Variants in SYNDIG1L observed in about 807,000 individuals in gnomAD.
SYNDIG1L encodes the protein synapse differentiation-inducing gene protein 1-like.
Under a neutral mutation model 20.1 loss-of-function variants are expected in SYNDIG1L, and 13 were observed. That is an observed-to-expected ratio of 0.65 (90% CI 0.42 to 1.03). The LOEUF (loss-of-function observed/expected upper bound fraction) is 1.03. Among genes scored for constraint, SYNDIG1L ranks in the 50% least tolerant of loss-of-function variants. SYNDIG1L has a pLI of 0.00. For synonymous variants in SYNDIG1L, 128 were observed against 129.3 expected, an observed-to-expected ratio of 0.99 and a Z score of 0.07; for missense variants, 294 against 305.1, an observed-to-expected ratio of 0.96 and a Z score of 0.27.
At chr14:74,435,306 A>T in the SYNDIG1L span, among the ~76,000 whole-genome samples, 1,192 of 152,298 alleles carry the variant, frequency 7.8e-3, 7 homozygotes, top group Non-Finnish European at 0.013. Context: ...GACAAGCATC[A>T]GGACATAAAA....
the SYNDIG1L span, among the ~76,000 whole-genome samples, chr14:74,453,352 C>CAAA: frequency 2.4e-3 from 63 of 26,758 alleles, 4 homozygotes; most frequent in East Asian, 0.016. Context: ...GACTCTGTCT[C>CAAA]AAAAAAAAAA....
At chr14:74,431,773 A>C in the SYNDIG1L span, among the ~76,000 whole-genome samples, 1 of 152,230 alleles carries the variant, frequency 6.6e-6, no homozygotes, top group Non-Finnish European at 1.5e-5. Flanking sequence ...ATCTCTGGAC[A>C]TGCCACCCTC....
chr14:74,445,492 T>TC, the SYNDIG1L span, among the ~76,000 whole-genome samples: 2 of 149,218 alleles, frequency 1.3e-5, no homozygotes, highest in African/African-American at 5.0e-5. Context: ...GTGTGTGTTT[T>TC]GAGACGGAGT....
intron 1 of SYNDIG1L, among the ~76,000 whole-genome samples, chr14:74,410,284 A>T (rs1032383853): frequency 1.3e-5 from 2 of 152,186 alleles, no homozygotes; most frequent in African/African-American, 4.8e-5. Flanking sequence ...TAGAGCTGAG[A>T]TCTGAAGGAA....
the SYNDIG1L span, among the ~76,000 whole-genome samples, chr14:74,453,038 A>G: frequency 6.6e-6 from 1 of 152,182 alleles, no homozygotes; most frequent in Non-Finnish European, 1.5e-5. Context: ...CAACTCATCT[A>G]TAGTGACACA....
intron 1 of SYNDIG1L, among the ~76,000 whole-genome samples, chr14:74,414,585 T>TA (rs2086159891): frequency 1.3e-5 from 2 of 152,196 alleles, no homozygotes; most frequent in Non-Finnish European, 2.9e-5. Flanking sequence ...AGTCCAATCA[T>TA]ACAGTGTGAC....
intron 1 of SYNDIG1L, among the ~76,000 whole-genome samples, chr14:74,415,367 C>T (rs8014859): frequency 0.12 from 18,474 of 152,090 alleles, 2,483 homozygotes; most frequent in African/African-American, 0.33. Flanking sequence ...GGATTTTACC[C>T]TAACGGTTTA....
At chr14:74,423,638 T>C (rs1218994104) in intron 1 of SYNDIG1L, among the ~76,000 whole-genome samples, 1 of 152,178 alleles carries the variant, frequency 6.6e-6, no homozygotes, top group Non-Finnish European at 1.5e-5. Flanking sequence ...CGGCTGGACC[T>C]GCCACAGTTG....
chr14:74,451,717 T>A, the SYNDIG1L span, among the ~76,000 whole-genome samples: 1 of 152,212 alleles, frequency 6.6e-6, no homozygotes, highest in African/African-American at 2.4e-5. Context: ...GTAGGCCGGG[T>A]ACGGTGGCTC....
intron 1 of SYNDIG1L, among the ~76,000 whole-genome samples, chr14:74,411,479 C>T (rs1214115154): frequency 6.6e-6 from 1 of 152,170 alleles, no homozygotes; most frequent in African/African-American, 2.4e-5. Context: ...TATCTAGTCA[C>T]CTCTCCAGTC....
chr14:74,475,255 T>C, the SYNDIG1L span, among the ~76,000 whole-genome samples: 1 of 151,598 alleles, frequency 6.6e-6, no homozygotes, highest in Non-Finnish European at 1.5e-5. Flanking sequence ...CAGCTACTTA[T>C]TATGCGTCAG....
chr14:74,421,104 CTT>C (rs534594109), intron 1 of SYNDIG1L, among the ~76,000 whole-genome samples: 1 of 151,950 alleles, frequency 6.6e-6, no homozygotes, highest in Non-Finnish European at 1.5e-5. Context: ...AGAAAAAAAA[CTT>C]TGAAAAAAAA....
chr14:74,438,166 T>C, the SYNDIG1L span, among the ~76,000 whole-genome samples: 4 of 152,204 alleles, frequency 2.6e-5, no homozygotes, highest in African/African-American at 9.7e-5. Flanking sequence ...TCAATATCTC[T>C]TCAGTAAAAT....
At chr14:74,408,100 A>G in intron 2 of SYNDIG1L, 111 bp from the exon 3 acceptor site, 2 of 1,334,522 alleles carry the variant, frequency 1.5e-6, no homozygotes, top group Non-Finnish European at 2.0e-6. Context: ...TGGAGCAACA[A>G]GCAGTCTCTT....
In SYNDIG1L at chr14:74,409,088, ATAT is replaced by A. The variant is rs1566581049; in HGVS notation, c.417+237_417+239del. Reference sequence around the variant, plus strand: ...TATTTATTTATTTATTTATTTATTTATATTTTTTTGAGTCAGGCTCTTGCTCTA... The same window carrying A: ...TATTTATTTATTTATTTATTTATTTATTTTTTGAGTCAGGCTCTTGCTCTA... On this transcript the variant is annotated intron_variant, in intron 2 of 3. Transcript: ENST00000331628. Among the ~76,000 whole-genome samples the A allele has an allele frequency of 1.2e-4, 18 of 147,604 alleles. No homozygotes were observed. The East Asian group carries it at 2.3e-3, about 19-fold the overall frequency.
chr14:74,467,075 G>A, the SYNDIG1L span, among the ~76,000 whole-genome samples: 1 of 152,150 alleles, frequency 6.6e-6, no homozygotes, highest in Non-Finnish European at 1.5e-5. Flanking sequence ...TGTAAATGCA[G>A]TTTTCTCACA....
chr14:74,436,702 TAGTC>T, the SYNDIG1L span, among the ~76,000 whole-genome samples: 2 of 151,954 alleles, frequency 1.3e-5, no homozygotes, highest in Admixed American at 6.5e-5. Flanking sequence ...TACAAAAAAT[TAGTC>T]AGGCGTGGTG....
upstream of SYNDIG1L, among the ~76,000 whole-genome samples, chr14:74,428,885 A>C (rs1378875672): frequency 6.6e-6 from 1 of 152,110 alleles, no homozygotes. Context: ...GTTGTGGGGA[A>C]GGGAGCAAGT....
intron 1 of SYNDIG1L, among the ~76,000 whole-genome samples, chr14:74,423,192 G>A (rs1290490481): frequency 1.3e-5 from 2 of 152,110 alleles, no homozygotes; most frequent in Non-Finnish European, 1.5e-5. Flanking sequence ...CAGCCAATGG[G>A]TAGTTTTCCC....
Sources: gnomAD v4.1 joint callset for allele counts (sites outside exome capture counted in the v4.1 genomes callset) on GRCh38, gnomAD v4.1.1 for gene constraint, MANE v1.5 for transcripts, NCBI Gene and HGNC (gene_info 2026-07-23, HGNC 2026-07-21) for gene names.